NFATC1: variants seen among roughly 807,000 people sequenced by gnomAD.
NFATC1 encodes the protein nuclear factor of activated T-cells, cytoplasmic 1.
A neutral mutation model predicts 76.0 loss-of-function variants in NFATC1; 22 were observed. The observed-to-expected ratio is 0.29, with a 90% CI of 0.21 to 0.41. The LOEUF is 0.41. NFATC1 is among the 10% of genes least tolerant of loss of function. The probability of loss-of-function intolerance (pLI) is 1.00; values close to 1 mark genes in which losing one functional copy is unlikely to be tolerated. For missense variants in NFATC1, 1,357 were observed against 1,337.7 expected (o/e 1.01, Z -0.23); for synonymous variants, 704 against 613.1 (o/e 1.15, Z -2.19).
chr18:79,415,826 C>T (rs1054542950), intron 2 of NFATC1, among the ~76,000 whole-genome samples: 3 of 152,050 alleles, frequency 2.0e-5, no homozygotes, highest in Non-Finnish European at 4.4e-5. Context: ...CTTTGGGAGG[C>T]CGAGGCAGGT....
chr18:79,495,179 G>C (rs941895521), intron 9 of NFATC1, among the ~76,000 whole-genome samples: 7 of 152,258 alleles, frequency 4.6e-5, no homozygotes, highest in African/African-American at 1.7e-4. Context: ...GTCTCCCGCC[G>C]TGGCGTGCAG....
chr18:79,475,200 G>A (rs1332266392), intron 8 of NFATC1, among the ~76,000 whole-genome samples: 5 of 144,258 alleles, frequency 3.5e-5, no homozygotes, highest in African/African-American at 8.0e-5. Flanking sequence ...GTGTTCTCAC[G>A]CTCACCGTCG....
rs1157591367 is a variant in NFATC1 at position 79,465,005 on chromosome 18, G to T, written c.1960-2445G>T. On this transcript the variant is annotated intron_variant, in intron 7 of 9. Transcript: ENST00000427363. This position sits in a 1 kb window ranked among gnomAD's most constrained non-coding sequence, Gnocchi z 4.2. ...CAGGTGTGAGCCACCGTGCCCGCCT[G>T]TGCATATTTTGTGAACAAAATGGGA... is the stretch of plus-strand genomic sequence containing the variant. 1.3e-5 allele frequency among the ~76,000 whole-genome samples: 2 copies of T among 152,046 alleles called. No homozygotes were observed. The highest frequency in any genetic ancestry group is 4.8e-5 in the African/African-American group (2 of 41,396).
Position 79,464,670 on chromosome 18 carries a change from G to T in NFATC1, c.1960-2780G>T, listed in dbSNP as rs772489753. Among the ~76,000 whole-genome samples the T allele has an allele frequency of 1.1e-4, 12 of 112,736 alleles. 1 individual carries two copies. The highest frequency in any genetic ancestry group is 4.8e-4 in the African/African-American group (12 of 25,008). The allele number at this position is 112,736 out of a possible 152,430, so 74.0% of individuals were successfully genotyped here. A position where few individuals can be genotyped will look rare whatever the true frequency, so the allele number is the denominator to read the frequency against. On this transcript the variant is annotated intron_variant, in intron 7 of 9. Transcript: ENST00000427363. ...TGTTTGTGTGTGTGTGTGTGTGTGT[G>T]TATATGTATGTGTATATATATATAT...
chr18:79,484,837 G>A (rs1047257782), intron 8 of NFATC1, among the ~76,000 whole-genome samples: 11 of 152,128 alleles, frequency 7.2e-5, no homozygotes, highest in African/African-American at 2.7e-4. Flanking sequence ...CACGACCGCC[G>A]GGACCTGTGC....
At chr18:79,455,268 GTTTGC>G (rs1419614664) in intron 6 of NFATC1, among the ~76,000 whole-genome samples, 1 of 152,226 alleles carries the variant, frequency 6.6e-6, no homozygotes, top group Non-Finnish European at 1.5e-5. Context: ...CTCCCACTCC[GTTTGC>G]CAGCGATCGC....
At chr18:79,402,807 A>G (rs1202741621) in intron 1 of NFATC1, among the ~76,000 whole-genome samples, 3 of 152,188 alleles carry the variant, frequency 2.0e-5, no homozygotes, top group African/African-American at 7.2e-5. Flanking sequence ...TGATGATTCA[A>G]TGGTGTTAAT....
intron 1 of NFATC1, among the ~76,000 whole-genome samples, chr18:79,401,820 C>T (rs559722946): frequency 1.3e-5 from 2 of 152,224 alleles, no homozygotes; most frequent in African/African-American, 2.4e-5. Context: ...TCGTTCACAG[C>T]GTGAATCACT....
At chr18:79,453,012 C>T (rs971821436) in intron 6 of NFATC1, among the ~76,000 whole-genome samples, 5 of 152,188 alleles carry the variant, frequency 3.3e-5, no homozygotes, top group African/African-American at 9.6e-5. Context: ...ACTTGGCTTC[C>T]TATAGAATCA....
At chr18:79,495,694 C>G (rs535060429) in intron 9 of NFATC1, among the ~76,000 whole-genome samples, 41 of 152,402 alleles carry the variant, frequency 2.7e-4, no homozygotes, top group African/African-American at 9.6e-4. Context: ...GACTGCGCGT[C>G]TGGGCAGTGT....
chr18:79,476,081 A>AGGGCCACGGGCCAC (rs113064242), intron 8 of NFATC1, among the ~76,000 whole-genome samples: 19 of 152,046 alleles, frequency 1.2e-4, no homozygotes, highest in African/African-American at 4.6e-4. Flanking sequence ...GAGAAATCTA[A>AGGGCCACGGGCCAC]GGGCCACGGG....
intron 3 of NFATC1, among the ~76,000 whole-genome samples, chr18:79,435,817 G>C (rs919702134): frequency 2.6e-5 from 4 of 152,246 alleles, no homozygotes; most frequent in Non-Finnish European, 5.9e-5. Flanking sequence ...CGACACGGGA[G>C]AGGCTGGCTC....
intron 9 of NFATC1, among the ~76,000 whole-genome samples, chr18:79,526,400 A>C (rs1031917675): frequency 2.6e-5 from 4 of 152,238 alleles, no homozygotes; most frequent in African/African-American, 7.2e-5. Flanking sequence ...GGCTCTGAGC[A>C]GGGCCTGCGG....
At chr18:79,515,442 AGTGGTGGTGGTGGGCGG>A (rs757059968) in intron 9 of NFATC1, among the ~76,000 whole-genome samples, 49 of 148,248 alleles carry the variant, frequency 3.3e-4, no homozygotes, top group Non-Finnish European at 6.4e-4. Context: ...GGATACCTGC[AGTGGTGGTGGTGGGCGG>A]GTGGTGGTGG....
intron 4 of NFATC1, 23 bp from the exon 5 acceptor site, chr18:79,450,931 C>T (rs1475271719): frequency 6.2e-7 from 1 of 1,604,298 alleles, no homozygotes; most frequent in Non-Finnish European, 8.5e-7. Flanking sequence ...GAAAGAAAAG[C>T]TGTGGGCTTT....
intron 9 of NFATC1, among the ~76,000 whole-genome samples, chr18:79,503,554 C>G (rs550398268): frequency 6.6e-6 from 1 of 152,280 alleles, no homozygotes; most frequent in East Asian, 1.9e-4. Flanking sequence ...CGGGCTTTGT[C>G]GCTCCATGGG....
rs150816955 is a variant in NFATC1 at position 79,451,475 on chromosome 18, C to A, written c.1763-201C>A. ...TAGGAAGATATTTTGATGACTTCTT[C>A]AGAACGAGGTGGAGACCATCAGGAT... is the stretch of plus-strand genomic sequence containing the variant. On this transcript the variant is annotated intron_variant, in intron 5 of 9. Transcript: ENST00000427363. Among the ~76,000 whole-genome samples the A allele has an allele frequency of 1.1e-3, 161 of 152,352 alleles. 1 individual carries two copies. The highest frequency in any genetic ancestry group is 3.8e-3 in the African/African-American group (158 of 41,590).
chr18:79,500,638 TC>T (rs2089992679), intron 9 of NFATC1, among the ~76,000 whole-genome samples: 2 of 152,236 alleles, frequency 1.3e-5, no homozygotes, highest in South Asian at 4.2e-4. Context: ...AATGAGTTTT[TC>T]TAACAAGAAA....
intron 3 of NFATC1, 146 bp from the exon 4 acceptor site, chr18:79,448,636 A>G (rs1232706615): frequency 1.3e-6 from 1 of 744,992 alleles, no homozygotes; most frequent in East Asian, 2.5e-5. Context: ...TTACAAAGAC[A>G]CCAGTATGAC....
Sources: gnomAD v4.1 joint callset for allele counts (sites outside exome capture counted in the v4.1 genomes callset) on GRCh38, gnomAD v4.1.1 for gene constraint, Gnocchi (gnomAD v3.1) non-coding constraint, MANE v1.5 for transcripts, NCBI Gene and HGNC (gene_info 2026-07-23, HGNC 2026-07-21) for gene names.